MACROD2: variants seen among roughly 807,000 people sequenced by gnomAD.
The protein encoded by MACROD2 is mono-ADP ribosylhydrolase 2, also known as ADP-ribose glycohydrolase MACROD2.
MACROD2 carries 36 observed loss-of-function variants against 70.4 expected under a neutral mutation model. That is an observed-to-expected ratio of 0.51 (90% CI 0.39 to 0.68). The LOEUF (loss-of-function observed/expected upper bound fraction) is 0.68. Among genes scored for constraint, MACROD2 ranks in the 30% least tolerant of loss-of-function variants. The pLI is 0.00. For synonymous variants in MACROD2, 172 were observed against 178.8 expected, an observed-to-expected ratio of 0.96 and a Z score of 0.30; for missense variants, 496 against 538.4, an observed-to-expected ratio of 0.92 and a Z score of 0.78.
intron 8 of MACROD2, among the ~76,000 whole-genome samples, chr20:15,772,997 G>C (rs1185749698): frequency 6.6e-6 from 1 of 151,986 alleles, no homozygotes; most frequent in Admixed American, 6.6e-5. Flanking sequence ...GATTTGGGTG[G>C]GGATACAGAG....
At chr20:14,529,647 A>C (rs1461691436) in intron 4 of MACROD2, among the ~76,000 whole-genome samples, 1 of 152,202 alleles carries the variant, frequency 6.6e-6, no homozygotes, top group Non-Finnish European at 1.5e-5. Context: ...GCCAAGACTG[A>C]TCAAGGTTTA....
chr20:14,913,061 G>A (rs537970854), intron 5 of MACROD2, among the ~76,000 whole-genome samples: 2 of 152,062 alleles, frequency 1.3e-5, no homozygotes, highest in Non-Finnish European at 2.9e-5. Flanking sequence ...TGTGATAGCT[G>A]TGTGTGTGTG....
At chr20:15,948,509 A>T (rs192964760) in intron 12 of MACROD2, among the ~76,000 whole-genome samples, 322 of 152,108 alleles carry the variant, frequency 2.1e-3, no homozygotes, top group Non-Finnish European at 3.6e-3. Flanking sequence ...TTCCTAATAA[A>T]AGAAATTCCC....
chr20:14,008,878 C>A lies in MACROD2; in HGVS notation c.163+6474C>A, dbSNP rs140616469. 2.6e-3 allele frequency among the ~76,000 whole-genome samples: 393 copies of A among 152,252 alleles called. 1 individual carries two copies. Among genetic ancestry groups the A allele is most frequent in the African/African-American group, 9.1e-3 (377 of 41,552 alleles). ...ACAAACAAGCAATGGAGAAAGGATT[C>A]TCTATTTAATAAATGGTGCTGGGAA... On this transcript the variant is annotated intron_variant, in intron 2 of 17. Transcript: ENST00000684519.
chr20:15,042,367 G>A (rs1186084903), intron 5 of MACROD2, among the ~76,000 whole-genome samples: 1 of 152,164 alleles, frequency 6.6e-6, no homozygotes, highest in Non-Finnish European at 1.5e-5. Flanking sequence ...TAAAAATAAT[G>A]GTACATGTTC....
intron 8 of MACROD2, among the ~76,000 whole-genome samples, chr20:15,744,855 T>C (rs1394490088): frequency 6.6e-6 from 1 of 152,184 alleles, no homozygotes; most frequent in Non-Finnish European, 1.5e-5. Flanking sequence ...TTTATTATAC[T>C]TTAAGTTCTA....
At chr20:15,380,403 A>T (rs1804542457) in intron 6 of MACROD2, among the ~76,000 whole-genome samples, 1 of 144,940 alleles carries the variant, frequency 6.9e-6, no homozygotes, top group Non-Finnish European at 1.5e-5. Context: ...AAAAATGAAG[A>T]TTAGGAAATA....
At chr20:14,859,378 C>T (rs149087254) in intron 5 of MACROD2, among the ~76,000 whole-genome samples, 1 of 152,084 alleles carries the variant, frequency 6.6e-6, no homozygotes, top group African/African-American at 2.4e-5. Context: ...AGGGCTGCAT[C>T]TTTAGAAATG....
chr20:15,080,396 C>T (rs1601041326), intron 5 of MACROD2, among the ~76,000 whole-genome samples: 1 of 152,056 alleles, frequency 6.6e-6, no homozygotes, highest in Admixed American at 6.6e-5. Context: ...TATGCACTGC[C>T]GCAGCATCTG....
chr20:14,513,004 A>G (rs142643410), intron 4 of MACROD2, among the ~76,000 whole-genome samples: 3 of 152,228 alleles, frequency 2.0e-5, no homozygotes, highest in East Asian at 1.9e-4. Context: ...TATCTTATAC[A>G]TCGAGAAGCC....
chr20:15,583,719 C>T (rs1308890760), intron 8 of MACROD2, among the ~76,000 whole-genome samples: 1 of 152,190 alleles, frequency 6.6e-6, no homozygotes, highest in African/African-American at 2.4e-5. Flanking sequence ...TCTCAGCTCA[C>T]TGCAACCTCC....
chr20:14,414,732 A>T (rs2083785323), intron 3 of MACROD2, among the ~76,000 whole-genome samples: 1 of 152,168 alleles, frequency 6.6e-6, no homozygotes, highest in South Asian at 2.1e-4. Context: ...CAAACAACAC[A>T]CAAGCCTCGA....
chr20:15,767,816 A>G (rs2051552111), intron 8 of MACROD2, among the ~76,000 whole-genome samples: 1 of 152,186 alleles, frequency 6.6e-6, no homozygotes, highest in Non-Finnish European at 1.5e-5. Flanking sequence ...CTGTTTCACT[A>G]CATAAAGTTC....
intron 8 of MACROD2, among the ~76,000 whole-genome samples, chr20:15,798,472 G>T (rs1270492033): frequency 2.6e-5 from 4 of 152,146 alleles, no homozygotes; most frequent in Non-Finnish European, 5.9e-5. Context: ...GAAAACCAGG[G>T]AGAGGTTTAT....
At chr20:14,913,465 C>G (rs73270514) in intron 5 of MACROD2, among the ~76,000 whole-genome samples, 2,514 of 152,138 alleles carry the variant, frequency 0.017, 79 homozygotes, top group African/African-American at 0.057. Flanking sequence ...GGCAGGAGGA[C>G]TTATTGAGGC....
chr20:15,471,928 TAAAAAC>T (rs1211368828), intron 7 of MACROD2, among the ~76,000 whole-genome samples: 1 of 152,176 alleles, frequency 6.6e-6, no homozygotes, highest in Non-Finnish European at 1.5e-5. Flanking sequence ...TCCTCTTACT[TAAAAAC>T]AAACAAGCAA....
intron 5 of MACROD2, among the ~76,000 whole-genome samples, chr20:14,802,858 AT>A (rs151210586): frequency 0.076 from 11,506 of 151,040 alleles, 589 homozygotes; most frequent in Middle Eastern, 0.24. Context: ...TCTGCAAAAG[AT>A]TTTTTTTTCA....
At chr20:14,296,204 A>T (rs1264045212) in intron 3 of MACROD2, among the ~76,000 whole-genome samples, 2 of 151,932 alleles carry the variant, frequency 1.3e-5, no homozygotes, top group East Asian at 3.8e-4. Flanking sequence ...GCTATAATTA[A>T]TACTTAGGAT....
intron 8 of MACROD2, among the ~76,000 whole-genome samples, chr20:15,721,036 AT>A (rs2050780579): frequency 6.6e-6 from 1 of 152,192 alleles, no homozygotes; most frequent in South Asian, 2.1e-4. Context: ...TCCAGAAAAT[AT>A]TTTTAAAACC....
Sources: allele counts gnomAD v4.1 joint callset (sites outside exome capture counted in the v4.1 genomes callset), GRCh38; gene constraint gnomAD v4.1.1; transcripts MANE v1.5; gene names NCBI Gene and HGNC (gene_info 2026-07-23, HGNC 2026-07-21).